Variants in GNB1 observed in about 807,000 individuals in gnomAD.
GNB1 encodes the protein guanine nucleotide-binding protein G(I)/G(S)/G(T) subunit beta-1.
In GNB1, 2 loss-of-function variants were observed where a neutral mutation model predicts 42.9. The ratio of observed to expected loss-of-function variants is 0.05; its 90% confidence interval spans 0.02 to 0.15. The LOEUF is 0.15. GNB1 is among the 10% of genes least tolerant of loss of function. The pLI, the probability that GNB1 is intolerant of heterozygous loss-of-function variation, is 1.00. For synonymous variants in GNB1, 183 were observed against 174.7 expected, an observed-to-expected ratio of 1.05 and a Z score of -0.38; for missense variants, 193 against 462.2, an observed-to-expected ratio of 0.42 and a Z score of 5.34.
chr1:1,882,186 C>T (rs1009575230), intron 1 of GNB1, among the ~76,000 whole-genome samples: 1 of 152,172 alleles, frequency 6.6e-6, no homozygotes, highest in Non-Finnish European at 1.5e-5. Context: ...CAGTGGCTCA[C>T]GCCTGTAATC....
intron 1 of GNB1, among the ~76,000 whole-genome samples, chr1:1,876,096 G>A (rs994671636): frequency 2.0e-5 from 3 of 152,096 alleles, no homozygotes; most frequent in Non-Finnish European, 4.4e-5. Flanking sequence ...GTCCTCCCTT[G>A]GAGCCTTCAG....
chr1:1,850,628 C>T (rs1049456379), intron 1 of GNB1, among the ~76,000 whole-genome samples: 4 of 151,936 alleles, frequency 2.6e-5, no homozygotes, highest in Admixed American at 2.0e-4. Flanking sequence ...CTGAAATTCT[C>T]GATCTTTTCA....
chr1:1,842,286 C>T (rs1440873477), intron 1 of GNB1, among the ~76,000 whole-genome samples: 1 of 152,030 alleles, frequency 6.6e-6, no homozygotes, highest in African/African-American at 2.4e-5. Flanking sequence ...AAAAATTAGC[C>T]GGGCATGGTG....
At chr1:1,826,927 C>T (rs913343985) in intron 2 of GNB1, among the ~76,000 whole-genome samples, 8 of 152,150 alleles carry the variant, frequency 5.3e-5, no homozygotes. Flanking sequence ...TCAAGTATAA[C>T]AAAGCTGAGG....
chr1:1,846,818 C>G (rs1386197046), intron 1 of GNB1, among the ~76,000 whole-genome samples: 2 of 152,096 alleles, frequency 1.3e-5, no homozygotes, highest in East Asian at 3.8e-4. Flanking sequence ...CCTTGGCCTC[C>G]CAAAGTGCTC....
At chr1:1,851,970 G>C (rs943426117) in intron 1 of GNB1, among the ~76,000 whole-genome samples, 5 of 151,606 alleles carry the variant, frequency 3.3e-5, no homozygotes, top group Non-Finnish European at 7.4e-5. Flanking sequence ...TTGAACCCAG[G>C]AGGCAGAGAT....
chr1:1,888,444 G>T lies in GNB1; in HGVS notation c.-96+2376C>A, dbSNP rs553507346. On this transcript the variant is annotated intron_variant, in intron 1 of 11. Coordinates refer to ENST00000378609, the MANE Select transcript of GNB1 (RefSeq NM_002074.5). ...CAAATGCTCGTAACCTGGGACCACC[G>T]CCCAACACCTGCAGTCCAGCCTTCC... Among the ~76,000 whole-genome samples the T allele has an allele frequency of 2.6e-4, 40 of 151,416 alleles. 1 individual carries two copies. In the South Asian group the frequency reaches 7.3e-3, roughly 28 times the overall value.
rs1225845680 is a variant in GNB1 at position 1,864,326 on chromosome 1, AAAAAAAAAAAG to A, written c.-95-25099_-95-25089del. Among the ~76,000 whole-genome samples the A allele has an allele frequency of 5.4e-5, 8 of 149,380 alleles. No homozygotes were observed. In the East Asian group the frequency reaches 7.9e-4, roughly 15 times the overall value. ...AGCAAGACTCTCTCAAAAAAAAAAA[AAAAAAAAAAAG>A]AAGAAAACCCCACGAAAAAACTATT... On this transcript the variant is annotated intron_variant, in intron 1 of 11. Coordinates refer to ENST00000378609, the MANE Select transcript of GNB1 (RefSeq NM_002074.5).
intron 3 of GNB1, among the ~76,000 whole-genome samples, chr1:1,821,621 G>T (rs545710534): frequency 1.3e-5 from 2 of 152,178 alleles, no homozygotes; most frequent in South Asian, 4.1e-4. Flanking sequence ...TCCCTGTCTC[G>T]TGCAAAGGAA....
chr1:1,854,055 T>C (rs1326524720), intron 1 of GNB1, among the ~76,000 whole-genome samples: 2 of 152,154 alleles, frequency 1.3e-5, no homozygotes, highest in Non-Finnish European at 2.9e-5. Flanking sequence ...GGGGAGTCCG[T>C]AGGAAACAAG....
At chr1:1,813,573 C>A (rs1646811732) in intron 5 of GNB1, among the ~76,000 whole-genome samples, 1 of 152,124 alleles carries the variant, frequency 6.6e-6, no homozygotes, top group Non-Finnish European at 1.5e-5. Context: ...AGCTCTGCTT[C>A]CCTGACTCCT....
intron 1 of GNB1, among the ~76,000 whole-genome samples, chr1:1,879,599 G>A (rs1466597970): frequency 6.6e-6 from 1 of 151,896 alleles, no homozygotes; most frequent in Non-Finnish European, 1.5e-5. Flanking sequence ...CAGCTATTCG[G>A]GAGGCTGAGG....
intron 2 of GNB1, among the ~76,000 whole-genome samples, chr1:1,835,324 T>C (rs1647131027): frequency 6.6e-6 from 1 of 152,254 alleles, no homozygotes; most frequent in South Asian, 2.1e-4. Context: ...CTCCAGTAGG[T>C]TTCCTAACTT....
rs746241718 is a variant in GNB1 at position 1,880,567 on chromosome 1, CAG to C, written c.-96+10251_-96+10252del. On this transcript the variant is annotated intron_variant, in intron 1 of 11. Transcript: ENST00000378609. ...CGCCACTGCACTCCAGCCTGGGCGACAGAGAGAGACTCCATCTCAAAAAAAAA... is the reference window on the plus strand; with the variant it reads ...CGCCACTGCACTCCAGCCTGGGCGACAGAGAGACTCCATCTCAAAAAAAAA... 7.9e-5 allele frequency among the ~76,000 whole-genome samples: 12 copies of C among 151,536 alleles called. 1 individual carries two copies. The highest frequency in any genetic ancestry group is 2.6e-4 in the Admixed American group (4 of 15,198).
At chr1:1,827,180 C>T (rs978813897) in intron 2 of GNB1, among the ~76,000 whole-genome samples, 1 of 152,210 alleles carries the variant, frequency 6.6e-6, no homozygotes, top group East Asian at 1.9e-4. Context: ...CCGTCAGTTT[C>T]CAGTCTGAAC....
intron 1 of GNB1, among the ~76,000 whole-genome samples, chr1:1,869,479 G>A (rs1229681510): frequency 1.3e-5 from 2 of 152,152 alleles, no homozygotes; most frequent in African/African-American, 4.8e-5. Context: ...AAAAGGCAGT[G>A]CAGCACCAGC....
In GNB1 at chr1:1,883,202, G is replaced by A. The variant is rs1649950819; in HGVS notation, c.-96+7618C>T. On this transcript the variant is annotated intron_variant, in intron 1 of 11. Transcript: ENST00000378609. ...GAAGAAGATCGTATGAGCCCAGGAG[G>A]TCCAGGCTGCAGTGAACCATGATCA... Among the ~76,000 whole-genome samples the A allele has an allele frequency of 2.0e-5, 3 of 147,862 alleles. No homozygotes were observed. In the South Asian group the frequency reaches 6.4e-4, roughly 32 times the overall value.
intron 5 of GNB1, among the ~76,000 whole-genome samples, chr1:1,807,483 A>C (rs1323289230): frequency 2.1e-4 from 31 of 148,978 alleles, no homozygotes; most frequent in East Asian, 9.8e-4. Context: ...AAAAAAAAAA[A>C]AAAAAAAAAA....
chr1:1,864,429 T>C (rs1157382090), intron 1 of GNB1, among the ~76,000 whole-genome samples: 2 of 150,892 alleles, frequency 1.3e-5, no homozygotes, highest in East Asian at 3.9e-4. Context: ...GCATAGGGCC[T>C]AGTACACAGT....
Sources: gnomAD v4.1 joint callset for allele counts (sites outside exome capture counted in the v4.1 genomes callset) on GRCh38, gnomAD v4.1.1 for gene constraint, MANE v1.5 for transcripts, NCBI Gene and HGNC (gene_info 2026-07-23, HGNC 2026-07-21) for gene names.